Variants in EDNRB observed in about 807,000 individuals in gnomAD.
The protein encoded by EDNRB is endothelin receptor type B.
In EDNRB, 18 loss-of-function variants were observed where a neutral mutation model predicts 46.4. The observed-to-expected ratio is 0.39, with a 90% CI of 0.27 to 0.57. The LOEUF (loss-of-function observed/expected upper bound fraction) is 0.57. Among genes scored for constraint, EDNRB ranks in the 20% least tolerant of loss-of-function variants. EDNRB has a pLI of 0.61. For missense variants in EDNRB, 434 were observed against 537.5 expected, an observed-to-expected ratio of 0.81 and a Z score of 1.90; for synonymous variants, 213 against 204.9, an observed-to-expected ratio of 1.04 and a Z score of -0.34.
intron 1 of EDNRB, among the ~76,000 whole-genome samples, chr13:77,931,713 A>G (rs931255401): frequency 7.9e-6 from 1 of 127,270 alleles, no homozygotes; most frequent in East Asian, 2.4e-4. Flanking sequence ...CTACAGCTCT[A>G]TTTTTCCTTA....
At chr13:77,953,015 C>T (rs1309390474) in intron 1 of EDNRB, among the ~76,000 whole-genome samples, 1 of 152,200 alleles carries the variant, frequency 6.6e-6, no homozygotes, top group Non-Finnish European at 1.5e-5. Context: ...CATCTCAAGA[C>T]ACTGGATTCC....
At chr13:77,957,806 T>C (rs1012006249) in intron 1 of EDNRB, among the ~76,000 whole-genome samples, 1 of 152,218 alleles carries the variant, frequency 6.6e-6, no homozygotes, top group Non-Finnish European at 1.5e-5. Flanking sequence ...CATTCACGAC[T>C]TTGGGTAATT....
intron 1 of EDNRB, 145 bp downstream of exon 1, chr13:77,917,946 G>T: frequency 8.0e-7 from 1 of 1,247,430 alleles, no homozygotes; most frequent in South Asian, 1.3e-5. Flanking sequence ...AATGGAATTT[G>T]GTTCCAAAGA....
chr13:77,900,965 T>C lies in EDNRB; in HGVS notation c.951+93A>G, dbSNP rs992273646. ...GAAAAAGGAAATATGCTCTGGTATA[T>C]AATAATGTTAGTTTATCATCATCAT... On this transcript the variant is annotated intron_variant, in intron 4 of 6. Transcript: ENST00000646607. 2.7e-6 allele frequency: 4 copies of C among 1,475,496 alleles called. No individual in the cohort carries two copies. The African/African-American group carries it at 4.2e-5, about 15-fold the overall frequency. 91.4% of individuals were successfully genotyped at this position (1,475,496 alleles called of 1,614,324 possible). A position where few individuals can be genotyped will look rare whatever the true frequency, so the allele number is the denominator to read the frequency against.
At position 77,918,127 on chromosome 13, in the gene EDNRB, C is replaced by G. The variant is rs1042695382; in HGVS notation, c.447G>C (p.Leu149=). Residue 149 remains leucine, a synonymous_variant, in exon 1 of 7, where the codon CTG becomes CTC. Coordinates refer to ENST00000646607, the MANE Select transcript of EDNRB (RefSeq NM_001122659.3). The surrounding 1 kb of genome is among the most constrained non-coding windows in gnomAD (Gnocchi z 4.5). The part of the protein sequence containing the change: ...LIASLALGDL[L]HIVIDIPINV... ...TGATAGGGATGTCAATGACGATGTGCAGCAGGTCTCCCAGAGCCAAGCTGG... is the reference window on the plus strand; with the variant it reads ...TGATAGGGATGTCAATGACGATGTGGAGCAGGTCTCCCAGAGCCAAGCTGG... The G allele has an allele frequency of 6.2e-7, 1 of 1,614,168 alleles. No individual in the cohort carries two copies. Among genetic ancestry groups the G allele is most frequent in the East Asian group, 2.2e-5 (1 of 44,874 alleles).
intron 5 of EDNRB, 37 bp from the exon 6 acceptor site, chr13:77,900,004 T>C (rs1400433241): frequency 1.9e-6 from 3 of 1,555,370 alleles, no homozygotes; most frequent in South Asian, 1.1e-5. Context: ...CTGAAAAATA[T>C]GCTATTCTGA....
intron 1 of EDNRB, among the ~76,000 whole-genome samples, chr13:77,942,087 C>G (rs137858087): frequency 6.6e-6 from 1 of 152,178 alleles, no homozygotes. Flanking sequence ...ATCCCTACCA[C>G]CTTTTTCAGG....
At chr13:77,941,493 T>C (rs1156964040) in intron 1 of EDNRB, among the ~76,000 whole-genome samples, 1 of 152,244 alleles carries the variant, frequency 6.6e-6, no homozygotes, top group African/African-American at 2.4e-5. Flanking sequence ...CAGATTCTTC[T>C]AGTGATTTAT....
chr13:77,919,036 G>A, upstream of EDNRB: 1 of 612,330 alleles, frequency 1.6e-6, no homozygotes, highest in East Asian at 5.5e-5. Flanking sequence ...GTCAAGCTCT[G>A]CATTTTGCCC....
chr13:77,962,752 G>T (rs2137686515), intron 1 of EDNRB, among the ~76,000 whole-genome samples: 1 of 152,262 alleles, frequency 6.6e-6, no homozygotes, highest in Middle Eastern at 3.4e-3. Flanking sequence ...ATTCAACATA[G>T]TGTTGGAAGT....
chr13:77,955,483 A>C (rs1016341372), intron 1 of EDNRB, among the ~76,000 whole-genome samples: 2 of 152,058 alleles, frequency 1.3e-5, no homozygotes, highest in African/African-American at 4.8e-5. Context: ...ATGTAATCCC[A>C]CTTGTCTATT....
intron 1 of EDNRB, among the ~76,000 whole-genome samples, chr13:77,915,505 T>C (rs573501929): frequency 6.6e-6 from 1 of 152,348 alleles, no homozygotes; most frequent in African/African-American, 2.4e-5. Flanking sequence ...GATGATCTGC[T>C]TTCAAGCCCC....
chr13:77,909,290 A>T (rs1251659459), intron 1 of EDNRB, among the ~76,000 whole-genome samples: 1 of 152,026 alleles, frequency 6.6e-6, no homozygotes, highest in Non-Finnish European at 1.5e-5. Context: ...ATAGTTTAAA[A>T]TTTTTCTAAA....
At chr13:77,917,956 ATTACT>A in intron 1 of EDNRB, 130 bp downstream of exon 1, 1 of 1,369,912 alleles carries the variant, frequency 7.3e-7, no homozygotes, top group East Asian at 2.3e-5. Flanking sequence ...GGTTCCAAAG[ATTACT>A]GACTTTTAGG....
chr13:77,917,408 C>T (rs1879864277), intron 1 of EDNRB, among the ~76,000 whole-genome samples: 1 of 152,218 alleles, frequency 6.6e-6, no homozygotes, highest in South Asian at 2.1e-4. Flanking sequence ...CAGTCTGGAT[C>T]TCTTTTTTCC....
intron 1 of EDNRB, among the ~76,000 whole-genome samples, chr13:77,961,552 G>T (rs1024019423): frequency 6.6e-6 from 1 of 152,144 alleles, no homozygotes; most frequent in Non-Finnish European, 1.5e-5. Flanking sequence ...ACGAAATGAA[G>T]GCAGAAATAA....
At chr13:77,966,376 C>T (rs1480796295) in intron 1 of EDNRB, among the ~76,000 whole-genome samples, 2 of 152,170 alleles carry the variant, frequency 1.3e-5, no homozygotes, top group African/African-American at 4.8e-5. Context: ...ACTGTCCTAA[C>T]AACAAATACA....
chr13:77,950,674 G>C (rs1223296897), intron 1 of EDNRB, among the ~76,000 whole-genome samples: 2 of 152,284 alleles, frequency 1.3e-5, no homozygotes, highest in Non-Finnish European at 2.9e-5. Context: ...TTTCATCCCA[G>C]TTTCCCTCCA....
chr13:77,897,120 A>T lies in EDNRB; in HGVS notation c.*1080T>A, dbSNP rs199853720. 3.3e-5 allele frequency: 33 copies of T among 985,676 alleles called. No individual in the cohort carries two copies. Among genetic ancestry groups the T allele is most frequent in the Admixed American group, 6.2e-5 (1 of 16,258 alleles). 61.1% of individuals were successfully genotyped at this position (985,676 alleles called of 1,614,324 possible). A position where few individuals can be genotyped will look rare whatever the true frequency, so the allele number is the denominator to read the frequency against. The stretch of plus-strand genomic sequence containing the variant: ...CACAGCATGGGTGAGAGAGGGTGCT[A>T]CCTGCCCCTTTGTCATGTGGACACT... On this transcript the variant is annotated 3_prime_UTR_variant, in exon 7 of 7. Transcript: ENST00000646607.
Sources: gnomAD v4.1 joint callset for allele counts (sites outside exome capture counted in the v4.1 genomes callset) on GRCh38, gnomAD v4.1.1 for gene constraint, Gnocchi (gnomAD v3.1) non-coding constraint, MANE v1.5 for transcripts, NCBI Gene and HGNC (gene_info 2026-07-23, HGNC 2026-07-21) for gene names.